ZCCHC4: variants seen among roughly 807,000 people sequenced by gnomAD.
ZCCHC4 encodes rRNA N(6)-adenosine-methyltransferase ZCCHC4.
In ZCCHC4, 54 loss-of-function variants were observed where a neutral mutation model predicts 67.7. The observed-to-expected ratio is 0.80, with a 90% confidence interval of 0.64 to 1.00. The LOEUF is 1.00. Among genes scored for constraint, ZCCHC4 ranks in the 50% least tolerant of loss-of-function variants. The probability of loss-of-function intolerance (pLI) is 0.00; values close to 1 mark genes in which losing one functional copy is unlikely to be tolerated. For missense variants in ZCCHC4, 609 were observed against 617.0 expected (o/e 0.99, Z 0.14); for synonymous variants, 198 against 213.5 (o/e 0.93, Z 0.63).
chr4:25,335,341 G>T (rs571242119), intron 5 of ZCCHC4, among the ~76,000 whole-genome samples: 1 of 152,252 alleles, frequency 6.6e-6, no homozygotes, highest in East Asian at 1.9e-4. Context: ...CCAGCTACTA[G>T]GGAGGCTGAG....
At chr4:25,325,640 TAA>T (rs1213488076) in intron 3 of ZCCHC4, among the ~76,000 whole-genome samples, 3 of 152,224 alleles carry the variant, frequency 2.0e-5, no homozygotes, top group Non-Finnish European at 2.9e-5. Flanking sequence ...TTTTGTCACT[TAA>T]GAGTATCTTT....
In ZCCHC4 at chr4:25,314,026, T is replaced by G. The variant is rs776232306; in HGVS notation, c.128-20T>G. The stretch of plus-strand genomic sequence containing the variant: ...ACCATTACTTGACACTTTTTTTTTT[T>G]TTTTCTATTCTGGAACTAGGACCCA... On this transcript the variant is annotated intron_variant, in intron 1 of 12. Transcript: ENST00000302874. 1.1e-5 allele frequency: 16 copies of G among 1,459,468 alleles called. No homozygotes were observed. In the Admixed American group the frequency reaches 3.5e-4, roughly 32 times the overall value. The allele number at this position is 1,459,468 out of a possible 1,614,324, so 90.4% of individuals were successfully genotyped here.
intron 5 of ZCCHC4, among the ~76,000 whole-genome samples, chr4:25,335,454 G>A (rs1719409300): frequency 6.6e-6 from 1 of 151,948 alleles, no homozygotes; most frequent in Non-Finnish European, 1.5e-5. Context: ...TCTCAAAAAA[G>A]ATAATAATCA....
At chr4:25,342,645 AGAATGAATG>A (rs1275774121) in intron 5 of ZCCHC4, among the ~76,000 whole-genome samples, 6 of 152,202 alleles carry the variant, frequency 3.9e-5, no homozygotes, top group Admixed American at 3.9e-4. Flanking sequence ...TCATTTAAAG[AGAATGAATG>A]GCCAGATGAA....
intron 12 of ZCCHC4, chr4:25,366,049 G>A: frequency 3.1e-6 from 3 of 977,226 alleles, no homozygotes; most frequent in South Asian, 9.5e-5. Context: ...ACTATGACTT[G>A]TAATTTAAAA....
intron 5 of ZCCHC4, among the ~76,000 whole-genome samples, chr4:25,342,548 C>G (rs1484857324): frequency 6.6e-6 from 1 of 152,134 alleles, no homozygotes; most frequent in African/African-American, 2.4e-5. Flanking sequence ...AAATGAATTT[C>G]TTAGGTTCAT....
intron 6 of ZCCHC4, 141 bp from the exon 7 acceptor site, chr4:25,349,351 C>A: frequency 1.4e-6 from 1 of 704,038 alleles, no homozygotes; most frequent in Non-Finnish European, 2.3e-6. Context: ...CAGAATGTCA[C>A]TGAGGAATGC....
rs1466686932 is a variant in ZCCHC4 at position 25,361,865 on chromosome 4, T to TCATGCACTTTATAAATC, written c.1018_1019insCATGCACTTTATAAATC (p.Tyr340SerfsTer5). Reference sequence around the variant, plus strand: ...CTAATTTTTAACTTTCTAGGTAGATTATGATAATCATGCACTTTATAAACA... The same window carrying TCATGCACTTTATAAATC: ...CTAATTTTTAACTTTCTAGGTAGATTCATGCACTTTATAAATCATGATAATCATGCACTTTATAAACA... On this transcript the variant is annotated stop_gained and frameshift_variant, in exon 9 of 13. Transcript: ENST00000302874. LOFTEE classifies it high-confidence loss of function. The TCATGCACTTTATAAATC allele has an allele frequency of 6.2e-7, 1 of 1,604,716 alleles. No individual in the cohort carries two copies. Among genetic ancestry groups the TCATGCACTTTATAAATC allele is most frequent in the Non-Finnish European group, 8.5e-7 (1 of 1,175,440 alleles).
At position 25,350,232 on chromosome 4, in the gene ZCCHC4, G is replaced by A. The variant is rs77752727; in HGVS notation, c.910+590G>A. 6.6e-3 allele frequency among the ~76,000 whole-genome samples: 992 copies of A among 151,100 alleles called. 10 individuals are homozygous for A. The highest frequency in any genetic ancestry group is 0.023 in the African/African-American group (931 of 41,076). On this transcript the variant is annotated intron_variant, in intron 7 of 12. Coordinates refer to ENST00000302874, the MANE Select transcript of ZCCHC4 (RefSeq NM_024936.3). ...CAGTTTAAGTGACTTAGCCGTGTAC[G>A]GTCTTCAGGCAGGTACTGCTTCTTT...
At chr4:25,321,065 A>G (rs192585306) in intron 3 of ZCCHC4, among the ~76,000 whole-genome samples, 11 of 152,158 alleles carry the variant, frequency 7.2e-5, no homozygotes, top group Non-Finnish European at 1.5e-4. Flanking sequence ...AAAACCCGAT[A>G]CAACTTCCTC....
chr4:25,314,911 T>C (rs1192383749), intron 2 of ZCCHC4, among the ~76,000 whole-genome samples: 1 of 152,210 alleles, frequency 6.6e-6, no homozygotes, highest in Non-Finnish European at 1.5e-5. Context: ...TGAAGGCACT[T>C]AGAGATATAG....
chr4:25,324,014 G>GTTTTTTTTTTGTTTTTTTTTTTTTTTTT (rs1718724938), intron 3 of ZCCHC4, among the ~76,000 whole-genome samples: 1 of 82,448 alleles, frequency 1.2e-5, no homozygotes. Flanking sequence ...TGTTTTTTGT[G>GTTTTTTTTTTGTTTTTTTTTTTTTTTTT]TTTTTTTTTT....
rs370574165 is a variant in ZCCHC4 at position 25,333,931 on chromosome 4, C to T, written c.629C>T (p.Thr210Ile). ...TPRLHELIKL[T>I]ASGDKKSNIK... Reference sequence around the variant, plus strand: ...AGGTTGCATGAGCTGATCAAGTTGACAGCATCAGGTGACAAGAAGTCTAAC... The same window carrying T: ...AGGTTGCATGAGCTGATCAAGTTGATAGCATCAGGTGACAAGAAGTCTAAC... The change falls in exon 5 of 13, where the codon ACA becomes ATA. Residue 210 changes from threonine to isoleucine, a missense_variant. Physicochemically the swap from Thr to Ile is moderately conservative, Grantham distance 89. Coordinates refer to ENST00000302874, the MANE Select transcript of ZCCHC4 (RefSeq NM_024936.3). The T allele has an allele frequency of 9.4e-6, 15 of 1,602,894 alleles. No individual in the cohort carries two copies. The highest frequency in any genetic ancestry group is 1.2e-5 in the Non-Finnish European group (14 of 1,177,478).
chr4:25,366,492 T>A (rs1245878549), intron 12 of ZCCHC4, among the ~76,000 whole-genome samples: 1 of 151,848 alleles, frequency 6.6e-6, no homozygotes, highest in African/African-American at 2.4e-5. Flanking sequence ...ACTTTTTGTA[T>A]TTTTTAGTAG....
In ZCCHC4 at chr4:25,368,979, A is replaced by C. The variant is rs1457579400; in HGVS notation, c.1407-50A>C. ...GTTAATTAAACTTCAACATAATTAC[A>C]TAATTCACTGTGCTCATTCTGTGAA... is the stretch of plus-strand genomic sequence containing the variant. On this transcript the variant is annotated intron_variant, in intron 12 of 12. Transcript: ENST00000302874. 3 of 1,569,158 alleles carry C rather than the reference A, an allele frequency of 1.9e-6. No individual in the cohort carries two copies. In the Admixed American group the frequency reaches 6.2e-5, roughly 32 times the overall value.
rs1051743725 is a variant in ZCCHC4, at chr4:25,369,442, C to T, written c.*278C>T. The T allele has an allele frequency of 1.1e-5, 4 of 351,536 alleles. No homozygotes were observed. In the Admixed American group the frequency reaches 2.1e-4, roughly 18 times the overall value. The allele number at this position is 351,536 out of a possible 1,614,324, so 21.8% of individuals were successfully genotyped here. On this transcript the variant is annotated 3_prime_UTR_variant, in exon 13 of 13. Transcript: ENST00000302874. Reference sequence around the variant, plus strand: ...TCACATTGTTCTATTTTTATGTTTTCATTTTTTTTGAGATGGAGTCTTGCT... The same window carrying T: ...TCACATTGTTCTATTTTTATGTTTTTATTTTTTTTGAGATGGAGTCTTGCT...
At chr4:25,346,618 C>G (rs933655875) in intron 6 of ZCCHC4, among the ~76,000 whole-genome samples, 1 of 152,016 alleles carries the variant, frequency 6.6e-6, no homozygotes, top group Non-Finnish European at 1.5e-5. Context: ...AAATGAGTCC[C>G]CTGATTTAGT....
intron 8 of ZCCHC4, among the ~76,000 whole-genome samples, chr4:25,361,265 C>T (rs1720723019): frequency 1.3e-5 from 2 of 152,172 alleles, no homozygotes; most frequent in Admixed American, 1.3e-4. Context: ...GGAGCTGTTG[C>T]TTTCTGTGTT....
At chr4:25,326,934 T>G (rs1285823513) in intron 3 of ZCCHC4, among the ~76,000 whole-genome samples, 6 of 152,244 alleles carry the variant, frequency 3.9e-5, no homozygotes, top group Non-Finnish European at 8.8e-5. Context: ...CACGAAGTAT[T>G]TCATGTATTT....
Sources: gnomAD v4.1 joint callset for allele counts (sites outside exome capture counted in the v4.1 genomes callset) on GRCh38, gnomAD v4.1.1 for gene constraint, MANE v1.5 for transcripts, NCBI Gene and HGNC (gene_info 2026-07-23, HGNC 2026-07-21) for gene names.